HIPK2: variants seen among roughly 807,000 people sequenced by gnomAD.
The protein encoded by HIPK2 is homeodomain-interacting protein kinase 2.
HIPK2 carries 27 observed loss-of-function variants against 113.7 expected under a neutral mutation model. The observed-to-expected ratio is 0.24, with a 90% confidence interval of 0.17 to 0.33. The LOEUF (loss-of-function observed/expected upper bound fraction) is 0.33, where lower values mean the gene tolerates loss of function less well. Among genes scored for constraint, HIPK2 ranks in the 10% least tolerant of loss-of-function variants. The pLI, the probability that HIPK2 is intolerant of heterozygous loss-of-function variation, is 1.00. For missense variants in HIPK2, 1,257 were observed against 1,588.0 expected, an observed-to-expected ratio of 0.79 and a Z score of 3.54; for synonymous variants, 631 against 642.2, an observed-to-expected ratio of 0.98 and a Z score of 0.26.
At chr7:139,692,180 C>G (rs1794427377) in intron 2 of HIPK2, among the ~76,000 whole-genome samples, 1 of 152,156 alleles carries the variant, frequency 6.6e-6, no homozygotes, top group African/African-American at 2.4e-5. Flanking sequence ...TCTGAAGTAT[C>G]TGAAACAGTA....
Position 139,692,724 on chromosome 7 carries a change from A to C in HIPK2, c.1103+23208T>G, listed in dbSNP as rs185191485. 3.7e-3 allele frequency among the ~76,000 whole-genome samples: 567 copies of C among 152,348 alleles called. 3 individuals are homozygous for C. Among genetic ancestry groups the C allele is most frequent in the Non-Finnish European group, 6.0e-3 (405 of 68,030 alleles). Reference sequence around the variant, plus strand: ...GCATCTATATGCATCAGAAAAAAAAACAGTTATGTGCTTACGTCCCAAACA... The same window carrying C: ...GCATCTATATGCATCAGAAAAAAAACCAGTTATGTGCTTACGTCCCAAACA... On this transcript the variant is annotated intron_variant, in intron 2 of 14. Coordinates refer to ENST00000406875, the MANE Select transcript of HIPK2 (RefSeq NM_022740.5).
intron 2 of HIPK2, among the ~76,000 whole-genome samples, chr7:139,691,425 A>G (rs369690935): frequency 1.3e-5 from 2 of 152,248 alleles, no homozygotes; most frequent in East Asian, 1.9e-4. Flanking sequence ...ATAAGACAAT[A>G]ATAGCAGATA....
At position 139,565,842 on chromosome 7, in the gene HIPK2, C is replaced by G. The variant is rs1475678255; in HGVS notation, c.*7085G>C. On this transcript the variant is annotated 3_prime_UTR_variant, in exon 15 of 15. Coordinates refer to ENST00000406875, the MANE Select transcript of HIPK2 (RefSeq NM_022740.5). ...CCAGAGCTGAAGAGTGAATCTATTACAGAGATCAGAGCTGTCAGGATAATT... is the reference window on the plus strand; with the variant it reads ...CCAGAGCTGAAGAGTGAATCTATTAGAGAGATCAGAGCTGTCAGGATAATT... The G allele has an allele frequency of 1.3e-5, 2 of 151,512 alleles. No individual in the cohort carries two copies. The highest frequency in any genetic ancestry group is 2.9e-5 in the Non-Finnish European group (2 of 67,982). 9.4% of individuals were successfully genotyped at this position (151,512 alleles called of 1,614,324 possible).
At chr7:139,737,620 C>T (rs985124642) in intron 1 of HIPK2, among the ~76,000 whole-genome samples, 4 of 152,230 alleles carry the variant, frequency 2.6e-5, no homozygotes, top group Non-Finnish European at 5.9e-5. Flanking sequence ...CCGGCCTCTG[C>T]TACACCAGGA....
At chr7:139,637,977 T>C (rs1800867329) in intron 2 of HIPK2, among the ~76,000 whole-genome samples, 1 of 151,948 alleles carries the variant, frequency 6.6e-6, no homozygotes, top group Non-Finnish European at 1.5e-5. Context: ...ACAAAAGAAT[T>C]ACAGCAAAAA....
intron 2 of HIPK2, among the ~76,000 whole-genome samples, chr7:139,638,719 G>A (rs574712801): frequency 0.011 from 1,675 of 147,416 alleles, 13 homozygotes; most frequent in Non-Finnish European, 0.016. Context: ...GTGCAGTGGC[G>A]CGATCTTGGC....
intron 1 of HIPK2, among the ~76,000 whole-genome samples, chr7:139,753,982 G>A (rs573959239): frequency 6.6e-6 from 1 of 152,370 alleles, no homozygotes; most frequent in South Asian, 2.1e-4. Flanking sequence ...CAGGAGGGCA[G>A]CAGCCCTGCC....
intron 2 of HIPK2, among the ~76,000 whole-genome samples, chr7:139,650,302 A>AT (rs1801409098): frequency 6.9e-6 from 1 of 144,812 alleles, no homozygotes; most frequent in Non-Finnish European, 1.5e-5. Context: ...GTGAGCCAAG[A>AT]TTGTGCCACT....
At chr7:139,771,548 A>G (rs1585470580) in intron 1 of HIPK2, among the ~76,000 whole-genome samples, 1 of 152,298 alleles carries the variant, frequency 6.6e-6, no homozygotes, top group African/African-American at 2.4e-5. Flanking sequence ...AATTCCAGAA[A>G]TATTTATGAA....
intron 1 of HIPK2, among the ~76,000 whole-genome samples, chr7:139,753,315 G>C (rs914477874): frequency 4.6e-5 from 7 of 152,174 alleles, no homozygotes; most frequent in African/African-American, 1.7e-4. Flanking sequence ...GAGCTTAATC[G>C]AGGGTGCTGG....
At chr7:139,749,538 T>C (rs187969785) in intron 1 of HIPK2, among the ~76,000 whole-genome samples, 40 of 152,364 alleles carry the variant, frequency 2.6e-4, no homozygotes, top group African/African-American at 9.4e-4. Flanking sequence ...CACATCAGGC[T>C]AAGAAAGCTC....
chr7:139,729,402 A>T (rs2117021390), intron 1 of HIPK2, among the ~76,000 whole-genome samples: 1 of 148,322 alleles, frequency 6.7e-6, no homozygotes, highest in South Asian at 2.2e-4. Flanking sequence ...GTGGCTTATT[A>T]ATAACACAAA....
intron 9 of HIPK2, among the ~76,000 whole-genome samples, chr7:139,610,827 T>C (rs947934725): frequency 3.3e-5 from 5 of 152,188 alleles, no homozygotes. Context: ...GAACCAGGTA[T>C]GTAACAACAG....
chr7:139,765,466 A>G (rs1796537640), intron 1 of HIPK2, among the ~76,000 whole-genome samples: 1 of 152,186 alleles, frequency 6.6e-6, no homozygotes, highest in South Asian at 2.1e-4. Flanking sequence ...AAAGCTTTGT[A>G]AAAAAGTGGA....
chr7:139,664,035 C>A (rs552720436), intron 2 of HIPK2, among the ~76,000 whole-genome samples: 25 of 152,178 alleles, frequency 1.6e-4, no homozygotes, highest in Non-Finnish European at 3.1e-4. Context: ...CGCTTGGTAC[C>A]GAGTCCCTGA....
At chr7:139,689,786 T>G (rs1794342626) in intron 2 of HIPK2, among the ~76,000 whole-genome samples, 1 of 149,432 alleles carries the variant, frequency 6.7e-6, no homozygotes, top group Non-Finnish European at 1.5e-5. Flanking sequence ...CAGGACTAAC[T>G]GGGGTCTGGA....
rs1296215593 is a variant in HIPK2, at chr7:139,566,434, T to G, written c.*6493A>C. On this transcript the variant is annotated 3_prime_UTR_variant, in exon 15 of 15. Coordinates refer to ENST00000406875, the MANE Select transcript of HIPK2 (RefSeq NM_022740.5). This position sits in a 1 kb window ranked among gnomAD's most constrained non-coding sequence, Gnocchi z 4.1. ...CATGAGCAATTCCCAGCACAGTGTG[T>G]GGCATGCAGGAAGCGGGAGTATCAC... 6.6e-6 allele frequency: 1 copy of G among 152,126 alleles called. No homozygotes were observed. Among genetic ancestry groups the G allele is most frequent in the Non-Finnish European group, 1.5e-5 (1 of 68,048 alleles). 9.4% of individuals were successfully genotyped at this position (152,126 alleles called of 1,614,324 possible).
At chr7:139,713,624 T>C (rs1456924372) in intron 2 of HIPK2, among the ~76,000 whole-genome samples, 1 of 152,186 alleles carries the variant, frequency 6.6e-6, no homozygotes, top group African/African-American at 2.4e-5. Context: ...TAGCTTTCAG[T>C]GAATGTTAAT....
At chr7:139,665,651 C>T (rs1802024761) in intron 2 of HIPK2, among the ~76,000 whole-genome samples, 1 of 152,120 alleles carries the variant, frequency 6.6e-6, no homozygotes, top group Non-Finnish European at 1.5e-5. Flanking sequence ...TACTCACTAA[C>T]CAGAAATCTA....
Sources: gnomAD v4.1 joint callset for allele counts (sites outside exome capture counted in the v4.1 genomes callset) on GRCh38, gnomAD v4.1.1 for gene constraint, Gnocchi (gnomAD v3.1) non-coding constraint, MANE v1.5 for transcripts, NCBI Gene and HGNC (gene_info 2026-07-23, HGNC 2026-07-21) for gene names.